The following ANKFN1 variants were observed in gnomAD, a reference collection of about 807,000 sequenced individuals.
ANKFN1 encodes the protein ankyrin repeat and fibronectin type-III domain-containing protein 1.
In ANKFN1, 74 loss-of-function variants were observed where a neutral mutation model predicts 108.7. That is an observed-to-expected ratio of 0.68 (90% confidence interval 0.56 to 0.83). The LOEUF (loss-of-function observed/expected upper bound fraction) is 0.83. Ranked by LOEUF, ANKFN1 falls within the 40% of genes least tolerant of loss-of-function variation. The pLI is 0.00. For missense variants in ANKFN1, 1,505 were observed against 1,382.3 expected (o/e 1.09, Z -1.41); for synonymous variants, 547 against 516.2 (o/e 1.06, Z -0.81).
At chr17:56,381,880 G>A (rs967803403) in intron 8 of ANKFN1, among the ~76,000 whole-genome samples, 7 of 152,208 alleles carry the variant, frequency 4.6e-5, no homozygotes, top group Middle Eastern at 6.8e-3. Context: ...TTATCCAGGA[G>A]AACTTCCCCA....
chr17:56,424,364 C>T (rs1008053426), intron 8 of ANKFN1, among the ~76,000 whole-genome samples: 5 of 152,176 alleles, frequency 3.3e-5, no homozygotes, highest in African/African-American at 9.7e-5. Flanking sequence ...TGAACCCAGA[C>T]AGACCTGGGT....
chr17:56,239,737 C>G (rs1343806228), intron 3 of ANKFN1, among the ~76,000 whole-genome samples: 1 of 151,950 alleles, frequency 6.6e-6, no homozygotes, highest in South Asian at 2.1e-4. Flanking sequence ...TTTCTAAACT[C>G]CGAAGAAAAA....
chr17:56,049,668 T>C (rs1468347916), intron 4 of ANKFN1, among the ~76,000 whole-genome samples: 1 of 150,796 alleles, frequency 6.6e-6, no homozygotes, highest in Non-Finnish European at 1.5e-5. Flanking sequence ...TGCGATAGTT[T>C]ACCGAGAATG....
At chr17:56,318,178 G>A (rs940072128) in intron 3 of ANKFN1, among the ~76,000 whole-genome samples, 1 of 151,904 alleles carries the variant, frequency 6.6e-6, no homozygotes, top group African/African-American at 2.4e-5. Context: ...TATAACCAGG[G>A]CATTTTTCTA....
chr17:56,394,916 T>A (rs1213161671), intron 8 of ANKFN1, among the ~76,000 whole-genome samples: 1 of 152,150 alleles, frequency 6.6e-6, no homozygotes, highest in African/African-American at 2.4e-5. Flanking sequence ...TGTGTTTTTC[T>A]AAGAAATAGG....
In ANKFN1 at chr17:56,332,979, G is replaced by GTATATATATATATATATATATATA. The variant is rs61494269; in HGVS notation, c.188+6645_188+6646insATATATATATATATATATATATAT. The stretch of plus-strand genomic sequence containing the variant: ...ATGAACAAGGTGTGTATATATGTGT[G>GTATATATATATATATATATATATA]TATATATATATATATATATATCTTC... On this transcript the variant is annotated intron_variant, in intron 4 of 20. Transcript: ENST00000682825. 1.3e-3 allele frequency among the ~76,000 whole-genome samples: 187 copies of GTATATATATATATATATATATATA among 147,750 alleles called. 1 individual carries two copies. Among genetic ancestry groups the GTATATATATATATATATATATATA allele is most frequent in the African/African-American group, 4.5e-3 (176 of 39,494 alleles).
At chr17:56,186,389 C>T (rs182132213) in intron 1 of ANKFN1, among the ~76,000 whole-genome samples, 4 of 151,820 alleles carry the variant, frequency 2.6e-5, no homozygotes, top group Admixed American at 2.0e-4. Context: ...TCCTCAATAA[C>T]GTGAGTTAAG....
intron 4 of ANKFN1, among the ~76,000 whole-genome samples, chr17:56,333,543 C>T (rs1298479330): frequency 2.0e-5 from 3 of 152,064 alleles, no homozygotes; most frequent in Non-Finnish European, 4.4e-5. Flanking sequence ...GATGCATTAT[C>T]CTTTTTATAA....
At chr17:56,436,282 TA>T (rs1412675115) in intron 8 of ANKFN1, among the ~76,000 whole-genome samples, 3 of 152,188 alleles carry the variant, frequency 2.0e-5, no homozygotes, top group African/African-American at 7.2e-5. Flanking sequence ...GAAATACTAA[TA>T]TCTAGGTTTT....
At chr17:56,115,469 T>G (rs1906212590) in intron 4 of ANKFN1, among the ~76,000 whole-genome samples, 1 of 152,184 alleles carries the variant, frequency 6.6e-6, no homozygotes, top group Non-Finnish European at 1.5e-5. Context: ...ACAATGAAAT[T>G]ATATATGTTA....
chr17:56,101,967 G>A (rs1300930495), intron 4 of ANKFN1, among the ~76,000 whole-genome samples: 3 of 152,068 alleles, frequency 2.0e-5, no homozygotes, highest in South Asian at 2.1e-4. Context: ...TAGTTATGTC[G>A]ATTTGAACAT....
At chr17:56,186,137 G>C (rs141895519) in intron 1 of ANKFN1, among the ~76,000 whole-genome samples, 3 of 152,140 alleles carry the variant, frequency 2.0e-5, no homozygotes, top group Admixed American at 2.0e-4. Context: ...AGTTTGGAGG[G>C]GGGTGGGTAG....
intron 3 of ANKFN1, among the ~76,000 whole-genome samples, chr17:56,318,775 G>A (rs1315534185): frequency 4.6e-5 from 7 of 152,270 alleles, no homozygotes; most frequent in African/African-American, 1.7e-4. Flanking sequence ...CAACGTCTTA[G>A]TTCTGAGTTA....
Position 56,515,264 on chromosome 17 carries a change from C to G in ANKFN1, c.*3995C>G, listed in dbSNP as rs558346314. Among the ~76,000 whole-genome samples, 4 of 152,182 alleles carry G rather than the reference C, an allele frequency of 2.6e-5. No homozygotes were observed. In the East Asian group the frequency reaches 7.7e-4, roughly 29 times the overall value. ...GAGTGTGTATTTCTTGGTATATGTG[C>G]TTATTAAGCTATCACATACCAATTA... On this transcript the variant is annotated 3_prime_UTR_variant, in exon 21 of 21. Transcript: ENST00000682825.
intron 3 of ANKFN1, among the ~76,000 whole-genome samples, chr17:56,280,829 C>A (rs567131791): frequency 1.3e-5 from 2 of 152,296 alleles, no homozygotes; most frequent in Middle Eastern, 6.8e-3. Flanking sequence ...GCTATGTCCC[C>A]ACCCAAATCT....
At chr17:56,464,183 A>T (rs1228623373) in intron 14 of ANKFN1, among the ~76,000 whole-genome samples, 1 of 152,204 alleles carries the variant, frequency 6.6e-6, no homozygotes, top group East Asian at 1.9e-4. Flanking sequence ...ATTTGATGTC[A>T]ATAAAAAATT....
intron 4 of ANKFN1, among the ~76,000 whole-genome samples, chr17:56,098,958 G>T (rs1182306707): frequency 6.6e-6 from 1 of 152,104 alleles, no homozygotes; most frequent in Non-Finnish European, 1.5e-5. Flanking sequence ...ATGCCCTGAG[G>T]TTAAGAGAAA....
rs745382567 is a variant in ANKFN1, at chr17:56,372,734, G to A, written c.690G>A (p.Glu230=). The stretch of plus-strand genomic sequence containing the variant: ...TGAGTGAACTGTCTGCCCAGGTGGA[G>A]AATGAAGGATTCACTCTGGACAACA... ...ERVSELSAQV[E]NEGFTLDNTE... Residue 230 remains glutamate (E), a synonymous_variant, in exon 7 of 21, where the codon GAG becomes GAA. Transcript: ENST00000682825. 1 of 1,614,020 alleles carries A rather than the reference G, an allele frequency of 6.2e-7. No individual in the cohort carries two copies. Among genetic ancestry groups the A allele is most frequent in the South Asian group, 1.1e-5 (1 of 91,070 alleles).
intron 8 of ANKFN1, among the ~76,000 whole-genome samples, chr17:56,380,646 C>T (rs1438848905): frequency 6.6e-6 from 1 of 152,222 alleles, no homozygotes; most frequent in East Asian, 1.9e-4. Flanking sequence ...CCACACATGG[C>T]TCAGAGGGTC....
Sources: gnomAD v4.1 joint callset for allele counts (sites outside exome capture counted in the v4.1 genomes callset) on GRCh38, gnomAD v4.1.1 for gene constraint, MANE v1.5 for transcripts, NCBI Gene and HGNC (gene_info 2026-07-23, HGNC 2026-07-21) for gene names.